The following CCDC15 variants were observed in gnomAD, a reference collection of about 807,000 sequenced individuals.
CCDC15 encodes coiled-coil domain-containing protein 15.
In CCDC15, 105 loss-of-function variants were observed where a neutral mutation model predicts 114.5. The observed-to-expected ratio is 0.92, with a 90% CI of 0.78 to 1.08. CCDC15 has a LOEUF of 1.08. CCDC15 is among the 50% of genes least tolerant of loss of function. The probability of loss-of-function intolerance (pLI) is 0.00; values close to 1 mark genes in which losing one functional copy is unlikely to be tolerated. For missense variants in CCDC15, 1,105 were observed against 1,093.6 expected, an observed-to-expected ratio of 1.01 and a Z score of -0.15; for synonymous variants, 334 against 377.8, an observed-to-expected ratio of 0.88 and a Z score of 1.34.
rs1181956862 is a variant in CCDC15 at position 124,993,601 on chromosome 11, T to G, written c.2214+358T>G. On this transcript the variant is annotated intron_variant, in intron 11 of 15. Transcript: ENST00000344762. ...CTCACGTGATATGAGAGATGAGAGA[T>G]GGAGGAAGGAGTTACTTCCATAGCG... Among the ~76,000 whole-genome samples, 3 of 150,700 alleles carry G rather than the reference T, an allele frequency of 2.0e-5. No individual in the cohort carries two copies. The East Asian group carries it at 5.9e-4, about 30-fold the overall frequency.
chr11:124,972,374 A>T (rs1947900899), intron 4 of CCDC15, among the ~76,000 whole-genome samples: 1 of 152,210 alleles, frequency 6.6e-6, no homozygotes, highest in South Asian at 2.1e-4. Flanking sequence ...ATACATACAA[A>T]TGTATATATA....
At chr11:124,994,892 G>A (rs570744651) in intron 11 of CCDC15, among the ~76,000 whole-genome samples, 1 of 152,074 alleles carries the variant, frequency 6.6e-6, no homozygotes, top group Non-Finnish European at 1.5e-5. Context: ...GAAGGCTTAC[G>A]GCAACCAGCA....
At chr11:124,976,657 TG>T (rs1244946691) in intron 5 of CCDC15, among the ~76,000 whole-genome samples, 2 of 152,146 alleles carry the variant, frequency 1.3e-5, no homozygotes, top group Non-Finnish European at 2.9e-5. Context: ...ATCTTAGAGA[TG>T]GATATTTATA....
chr11:125,025,227 T>A (rs1948693024), intron 13 of CCDC15, among the ~76,000 whole-genome samples: 1 of 149,398 alleles, frequency 6.7e-6, no homozygotes, highest in African/African-American at 2.5e-5. Flanking sequence ...AAATGAATGT[T>A]AAACCAACTC....
At chr11:124,991,437 G>GT (rs778879766) in intron 8 of CCDC15, 24 bp from the exon 9 acceptor site, 65 of 1,448,476 alleles carry the variant, frequency 4.5e-5, no homozygotes, top group Non-Finnish European at 5.8e-5. Context: ...ACAATTTATA[G>GT]TTTTTTATTA....
At chr11:124,997,086 C>T (rs759659960) in intron 11 of CCDC15, among the ~76,000 whole-genome samples, 13 of 152,200 alleles carry the variant, frequency 8.5e-5, no homozygotes, top group Non-Finnish European at 1.8e-4. Flanking sequence ...TATAGCATTC[C>T]GTTATTTGAA....
intron 4 of CCDC15, among the ~76,000 whole-genome samples, chr11:124,967,892 C>T (rs994057680): frequency 6.6e-6 from 1 of 152,214 alleles, no homozygotes; most frequent in Admixed American, 6.5e-5. Flanking sequence ...AGTCAGGTCC[C>T]TCAGCTGCAG....
In CCDC15 at chr11:124,987,905, A is replaced by C. The variant is rs1260389790; in HGVS notation, c.1679A>C (p.Gln560Pro). The C allele has an allele frequency of 1.2e-6, 2 of 1,613,936 alleles. No homozygotes were observed. The highest frequency in any genetic ancestry group is 1.7e-6 in the Non-Finnish European group (2 of 1,179,904). The change falls in exon 8 of 16, where the codon CAG becomes CCG. Residue 560 changes from glutamine to proline, a missense_variant. Gln to Pro is a moderately conservative substitution (Grantham distance 76). Coordinates refer to ENST00000344762, the MANE Select transcript of CCDC15 (RefSeq NM_025004.3). The stretch of plus-strand genomic sequence containing the variant: ...AATATTCTACCCAAATGTCAGGACC[A>C]GGATTTTCTACCCAGAGACCAAGGT... ...DWNILPKCQD[Q>P]DFLPRDQGVL...
At chr11:124,993,358 A>G (rs1948304669) in intron 11 of CCDC15, 115 bp downstream of exon 11, 2 of 653,856 alleles carry the variant, frequency 3.1e-6, no homozygotes, top group South Asian at 1.8e-5. Context: ...TGACAGGGCA[A>G]TGTAACTGCT....
chr11:124,994,355 CAAG>C (rs1445242003), intron 11 of CCDC15, among the ~76,000 whole-genome samples: 1 of 152,142 alleles, frequency 6.6e-6, no homozygotes, highest in Admixed American at 6.5e-5. Context: ...TCAGGCTGAT[CAAG>C]AAGCACATTC....
intron 11 of CCDC15, among the ~76,000 whole-genome samples, chr11:125,002,945 T>TA (rs1197311622): frequency 6.6e-6 from 1 of 152,088 alleles, no homozygotes; most frequent in Non-Finnish European, 1.5e-5. Flanking sequence ...CAACTGACAT[T>TA]TTGATGGAGG....
chr11:124,972,245 C>A (rs534573608), intron 4 of CCDC15, among the ~76,000 whole-genome samples: 1 of 152,222 alleles, frequency 6.6e-6, no homozygotes, highest in Non-Finnish European at 1.5e-5. Context: ...ACAAAAGAAT[C>A]AATAGTGTGC....
At chr11:124,964,357 C>T (rs940696411) in intron 4 of CCDC15, among the ~76,000 whole-genome samples, 2 of 152,180 alleles carry the variant, frequency 1.3e-5, no homozygotes, top group African/African-American at 4.8e-5. Context: ...AGGTCCTTCA[C>T]ATCCCTTCAT....
At chr11:125,013,867 A>G (rs545889859) in intron 13 of CCDC15, among the ~76,000 whole-genome samples, 1 of 152,312 alleles carries the variant, frequency 6.6e-6, no homozygotes, top group South Asian at 2.1e-4. Flanking sequence ...GACATTGGAT[A>G]AGGTACAGGG....
intron 13 of CCDC15, among the ~76,000 whole-genome samples, chr11:125,029,006 G>A (rs1365237671): frequency 3.3e-5 from 5 of 152,132 alleles, no homozygotes; most frequent in Non-Finnish European, 5.9e-5. Flanking sequence ...GTCCCAAAAC[G>A]AAAGAACCTG....
At chr11:124,974,825 G>A (rs1456323733) in intron 4 of CCDC15, among the ~76,000 whole-genome samples, 2 of 152,166 alleles carry the variant, frequency 1.3e-5, no homozygotes, top group East Asian at 3.8e-4. Context: ...ATATTTTTGT[G>A]TACATGCTTT....
intron 13 of CCDC15, among the ~76,000 whole-genome samples, chr11:125,016,153 G>A (rs571874251): frequency 6.6e-6 from 1 of 152,196 alleles, no homozygotes; most frequent in East Asian, 1.9e-4. Flanking sequence ...TATCTGCATG[G>A]TTGAGGGCCC....
At chr11:124,967,844 G>A (rs1814276852) in intron 4 of CCDC15, among the ~76,000 whole-genome samples, 1 of 152,176 alleles carries the variant, frequency 6.6e-6, no homozygotes, top group African/African-American at 2.4e-5. Context: ...TGTTGATGTT[G>A]ATGCTATTCC....
chr11:125,016,771 T>C (rs528601429), intron 13 of CCDC15, among the ~76,000 whole-genome samples: 3 of 152,322 alleles, frequency 2.0e-5, no homozygotes, highest in African/African-American at 7.2e-5. Context: ...CTAAATCTTC[T>C]CATGACATGC....
Sources: allele counts gnomAD v4.1 joint callset (sites outside exome capture counted in the v4.1 genomes callset), GRCh38; gene constraint gnomAD v4.1.1; transcripts MANE v1.5; gene names NCBI Gene and HGNC (gene_info 2026-07-23, HGNC 2026-07-21).